Variants in PRKN observed in about 807,000 individuals in gnomAD.
The protein encoded by PRKN is E3 ubiquitin-protein ligase parkin.
A neutral mutation model predicts 59.5 loss-of-function variants in PRKN; 56 were observed. The ratio of observed to expected loss-of-function variants is 0.94; its 90% CI spans 0.76 to 1.18. PRKN has a LOEUF of 1.18. Among genes scored for constraint, PRKN ranks in the 50% most tolerant of loss-of-function variants. The probability of loss-of-function intolerance (pLI) is 0.00; values close to 1 mark genes in which losing one functional copy is unlikely to be tolerated. For missense variants in PRKN, 657 were observed against 596.4 expected (o/e 1.10, Z -1.06); for synonymous variants, 250 against 222.1 (o/e 1.13, Z -1.12).
chr6:161,818,204 T>A (rs1264361499), intron 6 of PRKN, among the ~76,000 whole-genome samples: 4 of 152,048 alleles, frequency 2.6e-5, no homozygotes. Context: ...CAAAGACACA[T>A]AGGTGGAAAC....
intron 6 of PRKN, among the ~76,000 whole-genome samples, chr6:161,802,051 G>A (rs866472450): frequency 6.6e-6 from 1 of 152,272 alleles, no homozygotes; most frequent in Middle Eastern, 3.4e-3. Flanking sequence ...AAGTGTTACC[G>A]AGAGTTGCAA....
Position 161,371,185 on chromosome 6 carries a change from A to G in PRKN, c.1168-10980T>C, listed in dbSNP as rs199829366. ...GTATTTTGTTATTTTTTTTTTTGAGACGTTGTTTCGCTCCTGTTGCCCAGG... is the reference window on the plus strand; with the variant it reads ...GTATTTTGTTATTTTTTTTTTTGAGGCGTTGTTTCGCTCCTGTTGCCCAGG... On this transcript the variant is annotated intron_variant, in intron 10 of 11. Coordinates refer to ENST00000366898, the MANE Select transcript of PRKN (RefSeq NM_004562.3). This position sits in a 1 kb window ranked among gnomAD's most constrained non-coding sequence, Gnocchi z 5.5. Among the ~76,000 whole-genome samples the G allele has an allele frequency of 2.0e-5, 3 of 150,770 alleles. No homozygotes were observed. The highest frequency in any genetic ancestry group is 3.9e-4 in the East Asian group (2 of 5,144).
In PRKN at chr6:161,738,831, C is replaced by T. The variant is rs557167525; in HGVS notation, c.871+46941G>A. Among the ~76,000 whole-genome samples the T allele has an allele frequency of 3.9e-5, 6 of 152,252 alleles. No individual in the cohort carries two copies. The East Asian group carries it at 1.2e-3, about 29-fold the overall frequency. On this transcript the variant is annotated intron_variant, in intron 7 of 11. Coordinates refer to ENST00000366898, the MANE Select transcript of PRKN (RefSeq NM_004562.3). ...GCTGGCCACAGTGATATTCTATTGA[C>T]CATAAATCTGCCTGAGGTTCATCCT... is the stretch of plus-strand genomic sequence containing the variant.
At chr6:162,345,779 T>C (rs943468015) in intron 2 of PRKN, among the ~76,000 whole-genome samples, 1 of 152,202 alleles carries the variant, frequency 6.6e-6, no homozygotes, top group African/African-American at 2.4e-5. Context: ...TGTAGTCACA[T>C]TAGCTATGAA....
At chr6:161,520,121 T>C (rs1305453979) in intron 9 of PRKN, among the ~76,000 whole-genome samples, 4 of 152,176 alleles carry the variant, frequency 2.6e-5, no homozygotes, top group South Asian at 2.1e-4. Flanking sequence ...TGGAAGGCCA[T>C]GCTTATGAGT....
chr6:161,431,747 G>T (rs1788657435), intron 9 of PRKN, among the ~76,000 whole-genome samples: 3 of 151,942 alleles, frequency 2.0e-5, no homozygotes, highest in African/African-American at 4.8e-5. Flanking sequence ...CGAGTAGCTG[G>T]GATTACAGGC....
At chr6:161,364,617 A>G (rs1007055244) in intron 10 of PRKN, among the ~76,000 whole-genome samples, 15 of 151,994 alleles carry the variant, frequency 9.9e-5, no homozygotes, top group Non-Finnish European at 2.2e-4. Flanking sequence ...ATTGTCTAAA[A>G]CTGTAAACGA....
chr6:161,574,708 A>T (rs1326959674), intron 7 of PRKN, among the ~76,000 whole-genome samples: 1 of 152,210 alleles, frequency 6.6e-6, no homozygotes, highest in South Asian at 2.1e-4. Context: ...CTATAATAGA[A>T]GTGTTTGGAC....
chr6:161,547,871 A>C lies in PRKN; in HGVS notation c.1083+983T>G, dbSNP rs138394910. Among the ~76,000 whole-genome samples the C allele has an allele frequency of 4.5e-3, 685 of 152,234 alleles. 6 individuals carry two copies. The highest frequency in any genetic ancestry group is 0.015 in the African/African-American group (628 of 41,546). On this transcript the variant is annotated intron_variant, in intron 9 of 11. Transcript: ENST00000366898. This position sits in a 1 kb window ranked among gnomAD's most constrained non-coding sequence, Gnocchi z 4.0. Reference sequence around the variant, plus strand: ...CACCATGGTATCTCATTATTTTTCAACTTCCACTTCCTCTACTCCATTGCT... The same window carrying C: ...CACCATGGTATCTCATTATTTTTCACCTTCCACTTCCTCTACTCCATTGCT...
chr6:162,179,227 G>C (rs1028478758), intron 4 of PRKN, among the ~76,000 whole-genome samples: 1 of 152,174 alleles, frequency 6.6e-6, no homozygotes, highest in African/African-American at 2.4e-5. Flanking sequence ...GCAGCTCTGT[G>C]GATACCACAC....
chr6:161,731,732 A>G (rs1787721060), intron 7 of PRKN, among the ~76,000 whole-genome samples: 1 of 152,230 alleles, frequency 6.6e-6, no homozygotes, highest in South Asian at 2.1e-4. Context: ...TGAAGAAGAC[A>G]GAGAAATGCA....
intron 6 of PRKN, among the ~76,000 whole-genome samples, chr6:161,817,056 A>T (rs1325004853): frequency 6.6e-6 from 1 of 152,070 alleles, no homozygotes; most frequent in African/African-American, 2.4e-5. Flanking sequence ...TTGTTATTCT[A>T]ATTTGTGCTT....
At chr6:161,721,850 C>A (rs1363155007) in intron 7 of PRKN, among the ~76,000 whole-genome samples, 1 of 152,146 alleles carries the variant, frequency 6.6e-6, no homozygotes, top group African/African-American at 2.4e-5. Context: ...GTGGCAGATT[C>A]CATGTGAATC....
At chr6:162,539,032 A>G (rs1212321775) in intron 1 of PRKN, among the ~76,000 whole-genome samples, 3 of 152,226 alleles carry the variant, frequency 2.0e-5, no homozygotes, top group East Asian at 1.9e-4. Context: ...CAGGGCTGTG[A>G]GGACACATGA....
At chr6:161,464,920 C>T (rs754882684) in intron 9 of PRKN, among the ~76,000 whole-genome samples, 1 of 152,168 alleles carries the variant, frequency 6.6e-6, no homozygotes, top group Non-Finnish European at 1.5e-5. Flanking sequence ...TTAGCCAGTT[C>T]GACCCACAAA....
At chr6:162,658,576 G>A (rs200038366) in intron 1 of PRKN, among the ~76,000 whole-genome samples, 1 of 148,976 alleles carries the variant, frequency 6.7e-6, no homozygotes, top group South Asian at 2.1e-4. Context: ...CAGAAGAATC[G>A]CTTGAACCCG....
chr6:162,285,887 A>T (rs1258999937), intron 2 of PRKN, among the ~76,000 whole-genome samples: 2 of 152,210 alleles, frequency 1.3e-5, no homozygotes, highest in Non-Finnish European at 2.9e-5. Flanking sequence ...AGATAAATAC[A>T]CGACAAAATG....
intron 1 of PRKN, among the ~76,000 whole-genome samples, chr6:162,489,469 A>ACT (rs1437015129): frequency 2.0e-5 from 3 of 152,166 alleles, no homozygotes; most frequent in African/African-American, 7.2e-5. Context: ...TCCCACAAAA[A>ACT]AGTATGAGTT....
intron 7 of PRKN, among the ~76,000 whole-genome samples, chr6:161,646,395 C>T (rs112713038): frequency 9.7e-6 from 1 of 102,700 alleles, no homozygotes; most frequent in Non-Finnish European, 2.0e-5. Context: ...GCGTGCGTGG[C>T]GGAGGAGGTG....
Sources: allele counts gnomAD v4.1 joint callset (sites outside exome capture counted in the v4.1 genomes callset), GRCh38; gene constraint gnomAD v4.1.1; non-coding constraint Gnocchi (gnomAD v3.1); transcripts MANE v1.5; gene names NCBI Gene and HGNC (gene_info 2026-07-23, HGNC 2026-07-21).